Variants in ASB13 observed in about 807,000 individuals in gnomAD.
ASB13 encodes the protein ankyrin repeat and SOCS box containing 13.
ASB13 carries 33 observed loss-of-function variants against 28.8 expected under a neutral mutation model. The observed-to-expected ratio is 1.15, with a 90% CI of 0.87 to 1.53. The LOEUF is 1.53. Ranked by LOEUF, ASB13 falls within the 40% of genes most tolerant of loss-of-function variation. The probability of loss-of-function intolerance (pLI) is 0.00; values close to 1 mark genes in which losing one functional copy is unlikely to be tolerated. For synonymous variants in ASB13, 182 were observed against 172.9 expected, an observed-to-expected ratio of 1.05 and a Z score of -0.41; for missense variants, 414 against 390.1, an observed-to-expected ratio of 1.06 and a Z score of -0.52.
At position 5,655,677 on chromosome 10, in the gene ASB13, G is replaced by A. The variant is rs1353467191; in HGVS notation, c.44-2627C>T. Among the ~76,000 whole-genome samples, 1 of 152,168 alleles carries A rather than the reference G, an allele frequency of 6.6e-6. No individual in the cohort carries two copies. Among genetic ancestry groups the A allele is most frequent in the Non-Finnish European group, 1.5e-5 (1 of 68,028 alleles). On this transcript the variant is annotated intron_variant, in intron 1 of 5. Coordinates refer to ENST00000357700, the MANE Select transcript of ASB13 (RefSeq NM_024701.4). This position sits in a 1 kb window ranked among gnomAD's most constrained non-coding sequence, Gnocchi z 6.2. ...GGCCCTCAGCCCCACCAGTAGTAAT[G>A]AACAGTAACCCACTGCCCTCCTGAG...
At position 5,648,916 on chromosome 10, in the gene ASB13, G is replaced by A. The variant is rs531824082; in HGVS notation, c.517+54C>T. On this transcript the variant is annotated intron_variant, in intron 4 of 5. Coordinates refer to ENST00000357700, the MANE Select transcript of ASB13 (RefSeq NM_024701.4). ...CAAACACCCACGCAGGTAAACACCC[G>A]CTCGGGCAAACACCCACTCAGGTAA... The A allele has an allele frequency of 2.2e-4, 348 of 1,549,400 alleles. No homozygotes were observed. The East Asian group carries it at 7.5e-3, about 33-fold the overall frequency.
At position 5,641,068 on chromosome 10, in the gene ASB13, G is replaced by A. The variant is rs1300309463; in HGVS notation, c.710-238C>T. Among the ~76,000 whole-genome samples the A allele has an allele frequency of 1.3e-5, 2 of 151,874 alleles. No individual in the cohort carries two copies. Among genetic ancestry groups the A allele is most frequent in the Admixed American group, 1.3e-4 (2 of 15,236 alleles). ...TTTGTGGGCTTTGGGAGTTTGTTTG[G>A]TTTTGAGGTTTTTTGTTTTTTGTTT... On this transcript the variant is annotated intron_variant, in intron 5 of 5. Coordinates refer to ENST00000357700, the MANE Select transcript of ASB13 (RefSeq NM_024701.4). This position sits in a 1 kb window ranked among gnomAD's most constrained non-coding sequence, Gnocchi z 8.4.
rs9988665 is a variant in ASB13, at chr10:5,643,496, A to G, written c.518-1535T>C. On this transcript the variant is annotated intron_variant, in intron 4 of 5. Transcript: ENST00000357700. ...CCCGCAGCCAAAACTCAGAAGTCAG[A>G]ACAGGAAAAGGATCTCTCAACTAGG... 3.8e-3 allele frequency among the ~76,000 whole-genome samples: 576 copies of G among 152,356 alleles called. 4 individuals carry two copies. Among genetic ancestry groups the G allele is most frequent in the African/African-American group, 0.013 (542 of 41,582 alleles).
At position 5,658,203 on chromosome 10, in the gene ASB13, T is replaced by C. The variant is rs1294197971; in HGVS notation, c.44-5153A>G. ...GCTATTTCTGGCCAGGTGCAGTGGCTCAAAACTCTAATCCCAGCACTTTGG... is the reference window on the plus strand; with the variant it reads ...GCTATTTCTGGCCAGGTGCAGTGGCCCAAAACTCTAATCCCAGCACTTTGG... On this transcript the variant is annotated intron_variant, in intron 1 of 5. Coordinates refer to ENST00000357700, the MANE Select transcript of ASB13 (RefSeq NM_024701.4). This position sits in a 1 kb window ranked among gnomAD's most constrained non-coding sequence, Gnocchi z 4.2. Among the ~76,000 whole-genome samples, 3 of 151,776 alleles carry C rather than the reference T, an allele frequency of 2.0e-5. No homozygotes were observed. In the East Asian group the frequency reaches 5.8e-4, roughly 29 times the overall value.
At position 5,666,589 on chromosome 10, in the gene ASB13, G is replaced by A. The variant is rs1023658913; in HGVS notation, c.-38C>T. ...CGGCCGCGCGGCGACTCTGGGCGCCGGGACCTGGGCCGGGCCGCGCGGGGC... is the reference window on the plus strand; with the variant it reads ...CGGCCGCGCGGCGACTCTGGGCGCCAGGACCTGGGCCGGGCCGCGCGGGGC... On this transcript the variant is annotated 5_prime_UTR_variant, in exon 1 of 6. Transcript: ENST00000357700. 39 of 1,110,034 alleles carry A rather than the reference G, an allele frequency of 3.5e-5. No individual in the cohort carries two copies. Among genetic ancestry groups the A allele is most frequent in the African/African-American group, 1.5e-4 (9 of 60,160 alleles). 68.8% of individuals were successfully genotyped at this position (1,110,034 alleles called of 1,614,324 possible).
rs757807881 is a variant in ASB13 at position 5,640,795 on chromosome 10, T to A, written c.745A>T (p.Asn249Tyr). ...CGGACGCCAGTGGCCTTCCTCAAGTTCACCCTGCAGAGCTGTGACAGAGTC... is the reference window on the plus strand; with the variant it reads ...CGGACGCCAGTGGCCTTCCTCAAGTACACCCTGCAGAGCTGTGACAGAGTC... ...PLTLSQLCRV[N>Y]LRKATGVRGL... The change falls in exon 6 of 6, where the codon AAC (asparagine) becomes TAC (tyrosine). Residue 249 changes from asparagine (N) to tyrosine (Y), a missense_variant. By Grantham distance (143) the Asn-to-Tyr change is moderately radical. Coordinates refer to ENST00000357700, the MANE Select transcript of ASB13 (RefSeq NM_024701.4). 1.2e-6 allele frequency: 2 copies of A among 1,614,118 alleles called. No individual in the cohort carries two copies. Among genetic ancestry groups the A allele is most frequent in the East Asian group, 4.5e-5 (2 of 44,876 alleles).
chr10:5,665,167 A>C (rs967344888), intron 1 of ASB13, among the ~76,000 whole-genome samples: 1 of 152,118 alleles, frequency 6.6e-6, no homozygotes, highest in African/African-American at 2.4e-5. Context: ...CCAAAACCTA[A>C]ATGTTTTGGT....
Position 5,651,297 on chromosome 10 carries a change from A to G in ASB13, c.298T>C (p.Cys100Arg), listed in dbSNP as rs139712171. 268 of 1,613,628 alleles carry G rather than the reference A, an allele frequency of 1.7e-4. No individual in the cohort carries two copies. The highest frequency in any genetic ancestry group is 2.2e-4 in the Non-Finnish European group (265 of 1,179,904). ...CCGTAGGACAGCAAGAGCTTCACAC[A>G]CTCGATGCTGCCCGAGGCGCAGGCA... ...CDACASGSIE[C>R]VKLLLSYGAK... The change falls in exon 3 of 6, where the codon TGT (cysteine) becomes CGT (arginine). Residue 100 changes from cysteine to arginine, a missense_variant. Transcript: ENST00000357700. The surrounding 1 kb of genome is among the most constrained non-coding windows in gnomAD (Gnocchi z 5.1).
In ASB13 at chr10:5,641,959, C is replaced by G; in HGVS notation, c.520G>C (p.Ala174Pro). The change falls in exon 5 of 6, where the codon GCC becomes CCC. Residue 174 changes from alanine to proline, a missense_variant and splice_region_variant. By Grantham distance (27) the Ala-to-Pro change is conservative (BLOSUM62 -1). Coordinates refer to ENST00000357700, the MANE Select transcript of ASB13 (RefSeq NM_024701.4). This position sits in a 1 kb window ranked among gnomAD's most constrained non-coding sequence, Gnocchi z 8.4. ...TGAAGCTTTGCCGCATTCACGTTGGCCCCTGGAGGTCAAGAGTGCAGAAGA... is the reference window on the plus strand; with the variant it reads ...TGAAGCTTTGCCGCATTCACGTTGGGCCCTGGAGGTCAAGAGTGCAGAAGA... ...DCVKVLLNAG[A>P]NVNAAKLHET... 1.2e-6 allele frequency: 2 copies of G among 1,600,800 alleles called. No homozygotes were observed. Among genetic ancestry groups the G allele is most frequent in the Non-Finnish European group, 1.7e-6 (2 of 1,168,754 alleles).
Position 5,645,313 on chromosome 10 carries a change from T to G in ASB13, c.518-3352A>C, listed in dbSNP as rs970438583. 6.6e-6 allele frequency among the ~76,000 whole-genome samples: 1 copy of G among 152,128 alleles called. No individual in the cohort carries two copies. The highest frequency in any genetic ancestry group is 1.5e-5 in the Non-Finnish European group (1 of 68,028). ...ATTAAACAACAATTTTAAAAAAATT[T>G]TTTAAATTGTGCCAGGGCCAGTGCT... On this transcript the variant is annotated intron_variant, in intron 4 of 5. Coordinates refer to ENST00000357700, the MANE Select transcript of ASB13 (RefSeq NM_024701.4). This position sits in a 1 kb window ranked among gnomAD's most constrained non-coding sequence, Gnocchi z 5.4.
rs1196647805 is a variant in ASB13 at position 5,648,950 on chromosome 10, T to C, written c.517+20A>G. 1 of 1,610,980 alleles carries C rather than the reference T, an allele frequency of 6.2e-7. No homozygotes were observed. The highest frequency in any genetic ancestry group is 8.5e-7 in the Non-Finnish European group (1 of 1,177,784). On this transcript the variant is annotated intron_variant, in intron 4 of 5. Transcript: ENST00000357700. ...AACACCCACTCAGGTAAACACCCGC[T>C]CGGGCAAACACCCACTCACCTGCAT...
chr10:5,666,524 A>T lies in ASB13; in HGVS notation c.28T>A (p.Phe10Ile). MEPRAADGC[F>I]LGDVGFWVER... ...CCGCACGTACCCACGTCGCCCAGGA[A>T]GCAGCCGTCCGCCGCCCGGGGCTCC... Residue 10 changes from phenylalanine (F) to isoleucine (I), a missense_variant, in exon 1 of 6, where the codon TTC (phenylalanine) becomes ATC (isoleucine). Phe to Ile is a conservative substitution (Grantham distance 21, BLOSUM62 0). Coordinates refer to ENST00000357700, the MANE Select transcript of ASB13 (RefSeq NM_024701.4). 1 of 1,271,602 alleles carries T rather than the reference A, an allele frequency of 7.9e-7. No homozygotes were observed. The highest frequency in any genetic ancestry group is 1.0e-6 in the Non-Finnish European group (1 of 1,003,754). The allele number at this position is 1,271,602 out of a possible 1,614,324, so 78.8% of individuals were successfully genotyped here. A position where few individuals can be genotyped will look rare whatever the true frequency, so the allele number is the denominator to read the frequency against.
chr10:5,655,028 G>A lies in ASB13; in HGVS notation c.44-1978C>T, dbSNP rs2131452942. On this transcript the variant is annotated intron_variant, in intron 1 of 5. Coordinates refer to ENST00000357700, the MANE Select transcript of ASB13 (RefSeq NM_024701.4). This position sits in a 1 kb window ranked among gnomAD's most constrained non-coding sequence, Gnocchi z 6.2. ...GAGGCAGGAGAATCACTTGAACCCG[G>A]GAGGCGGAGGTTGCAGCGAGCCCAG... 6.6e-6 allele frequency among the ~76,000 whole-genome samples: 1 copy of A among 152,176 alleles called. No homozygotes were observed. The highest frequency in any genetic ancestry group is 2.4e-5 in the African/African-American group (1 of 41,508).
chr10:5,648,265 A>AAACACCCACTCG (rs1834919148), intron 4 of ASB13, among the ~76,000 whole-genome samples: 2 of 144,468 alleles, frequency 1.4e-5, no homozygotes, highest in Non-Finnish European at 1.5e-5. Flanking sequence ...ACACCCACTC[A>AAACACCCACTCG]GGTAAACACC....
chr10:5,653,350 C>T (rs1343691683), intron 1 of ASB13, among the ~76,000 whole-genome samples: 1 of 152,224 alleles, frequency 6.6e-6, no homozygotes, highest in East Asian at 1.9e-4. Context: ...CCTGCAGTTG[C>T]ACATCCTTCT....
chr10:5,644,066 A>C lies in ASB13; in HGVS notation c.518-2105T>G, dbSNP rs1421978325. Among the ~76,000 whole-genome samples, 1 of 152,212 alleles carries C rather than the reference A, an allele frequency of 6.6e-6. No homozygotes were observed. The highest frequency in any genetic ancestry group is 1.5e-5 in the Non-Finnish European group (1 of 68,040). On this transcript the variant is annotated intron_variant, in intron 4 of 5. Coordinates refer to ENST00000357700, the MANE Select transcript of ASB13 (RefSeq NM_024701.4). The surrounding 1 kb of genome is among the most constrained non-coding windows in gnomAD (Gnocchi z 5.1). ...GGAAGGTGAATAAGGAAGGAAATGA[A>C]ATTGTGAATAAGGGATTGAAGGGAA...
At chr10:5,666,473 C>CT (rs1194711274) in intron 1 of ASB13, 36 bp downstream of exon 1, 3 of 1,287,102 alleles carry the variant, frequency 2.3e-6, no homozygotes, top group East Asian at 3.3e-5. Context: ...GCCGGCGCCG[C>CT]TGCCTCGCTC....
In ASB13 at chr10:5,642,816, TC is replaced by T. The variant is rs1834830830; in HGVS notation, c.518-856del. On this transcript the variant is annotated intron_variant, in intron 4 of 5. Coordinates refer to ENST00000357700, the MANE Select transcript of ASB13 (RefSeq NM_024701.4). This position sits in a 1 kb window ranked among gnomAD's most constrained non-coding sequence, Gnocchi z 4.1. The stretch of plus-strand genomic sequence containing the variant: ...TGTGCCACCATGCCCGGCTAATTTT[TC>T]TATTTTTTGTAGAGACGGGGTTTTG... 6.6e-6 allele frequency among the ~76,000 whole-genome samples: 1 copy of T among 152,200 alleles called. No homozygotes were observed. The highest frequency in any genetic ancestry group is 2.4e-5 in the African/African-American group (1 of 41,448).
chr10:5,665,892 CAAAG>C (rs1835250700), intron 1 of ASB13, among the ~76,000 whole-genome samples: 1 of 152,162 alleles, frequency 6.6e-6, no homozygotes, highest in Non-Finnish European at 1.5e-5. Flanking sequence ...TTTGCTTCCC[CAAAG>C]AGTGTCCTTC....
Sources: gnomAD v4.1 joint callset for allele counts (sites outside exome capture counted in the v4.1 genomes callset) on GRCh38, gnomAD v4.1.1 for gene constraint, Gnocchi (gnomAD v3.1) non-coding constraint, MANE v1.5 for transcripts, NCBI Gene and HGNC (gene_info 2026-07-23, HGNC 2026-07-21) for gene names.